GRIN3A: variants seen among roughly 807,000 people sequenced by gnomAD.
GRIN3A encodes glutamate receptor ionotropic, NMDA 3A.
GRIN3A carries 47 observed loss-of-function variants against 92.4 expected under a neutral mutation model. The observed-to-expected ratio is 0.51, with a 90% confidence interval of 0.40 to 0.65. The LOEUF (loss-of-function observed/expected upper bound fraction) is 0.65, where lower values mean the gene tolerates loss of function less well. GRIN3A is among the 30% of genes least tolerant of loss of function. GRIN3A has a pLI of 0.00. For missense variants in GRIN3A, 1,324 were observed against 1,393.1 expected, an observed-to-expected ratio of 0.95 and a Z score of 0.79; for synonymous variants, 527 against 540.6, an observed-to-expected ratio of 0.97 and a Z score of 0.35.
intron 6 of GRIN3A, among the ~76,000 whole-genome samples, chr9:101,580,569 G>C (rs1233099114): frequency 2.0e-5 from 3 of 152,112 alleles, no homozygotes; most frequent in Non-Finnish European, 2.9e-5. Context: ...ATCTGGTAGG[G>C]AACATGGAAA....
At chr9:101,691,699 A>G (rs1474008866) in intron 1 of GRIN3A, among the ~76,000 whole-genome samples, 3 of 152,136 alleles carry the variant, frequency 2.0e-5, no homozygotes, top group African/African-American at 7.2e-5. Context: ...TGTCCTCTTC[A>G]GCAGGTTCTA....
At chr9:101,714,412 C>T (rs893041084) in intron 1 of GRIN3A, among the ~76,000 whole-genome samples, 2 of 151,996 alleles carry the variant, frequency 1.3e-5, no homozygotes, top group Non-Finnish European at 2.9e-5. Context: ...AAGTGGAAGA[C>T]AAAATTAAGA....
At chr9:101,697,111 C>T (rs1829695082) in intron 1 of GRIN3A, among the ~76,000 whole-genome samples, 1 of 152,138 alleles carries the variant, frequency 6.6e-6, no homozygotes. Context: ...ACATTCATTG[C>T]TTGCTACCTG....
At chr9:101,663,477 A>G (rs1829202027) in intron 3 of GRIN3A, among the ~76,000 whole-genome samples, 1 of 151,856 alleles carries the variant, frequency 6.6e-6, no homozygotes, top group South Asian at 2.1e-4. Flanking sequence ...GGATTGGTGT[A>G]ACTCAGTTTC....
intron 1 of GRIN3A, among the ~76,000 whole-genome samples, chr9:101,687,946 C>G (rs185685121): frequency 6.6e-6 from 1 of 152,142 alleles, no homozygotes; most frequent in South Asian, 2.1e-4. Flanking sequence ...TGAAAAGTCA[C>G]AAATTAGCAG....
At chr9:101,661,386 A>C (rs1829169741) in intron 3 of GRIN3A, among the ~76,000 whole-genome samples, 1 of 151,890 alleles carries the variant, frequency 6.6e-6, no homozygotes, top group African/African-American at 2.4e-5. Context: ...GTGATATTTT[A>C]TATACGTTGC....
At chr9:101,710,041 G>A (rs968413927) in intron 1 of GRIN3A, among the ~76,000 whole-genome samples, 6 of 152,118 alleles carry the variant, frequency 3.9e-5, no homozygotes, top group African/African-American at 1.4e-4. Flanking sequence ...TGGAAATCCT[G>A]TTTTAGAGAA....
chr9:101,601,839 A>G (rs1185660380), intron 6 of GRIN3A, among the ~76,000 whole-genome samples: 1 of 152,188 alleles, frequency 6.6e-6, no homozygotes, highest in Non-Finnish European at 1.5e-5. Flanking sequence ...TTGCTGCAAT[A>G]TGACTGCATC....
Position 101,737,915 on chromosome 9 carries a change from G to A in GRIN3A, c.65C>T (p.Ala22Val), listed in dbSNP as rs998975070. ...GCTGGGCACCCCGGCCAGCACCAGTGCGCAGGGCGGCGGCAACAGCAGACA... is the reference window on the plus strand; with the variant it reads ...GCTGGGCACCCCGGCCAGCACCAGTACGCAGGGCGGCGGCAACAGCAGACA... ...RVCLLLPPPC[A>V]LVLAGVPSSS... is the part of the protein sequence containing the mutation. The change falls in exon 1 of 9, where the codon GCA becomes GTA. Residue 22 changes from alanine to valine, a missense_variant. By Grantham distance (64) the Ala-to-Val change is moderately conservative. Coordinates refer to ENST00000361820, the MANE Select transcript of GRIN3A (RefSeq NM_133445.3). 6.5e-6 allele frequency: 10 copies of A among 1,536,260 alleles called. No homozygotes were observed. Among genetic ancestry groups the A allele is most frequent in the Non-Finnish European group, 8.7e-6 (10 of 1,147,588 alleles).
intron 1 of GRIN3A, among the ~76,000 whole-genome samples, chr9:101,728,627 T>A (rs1017571742): frequency 1.2e-4 from 19 of 152,158 alleles, no homozygotes; most frequent in Admixed American, 7.9e-4. Context: ...CAGTGCCCAG[T>A]TAGAGTGATA....
At chr9:101,584,596 T>C (rs1827927877) in intron 6 of GRIN3A, among the ~76,000 whole-genome samples, 1 of 152,216 alleles carries the variant, frequency 6.6e-6, no homozygotes. Context: ...TGCTTGAGAT[T>C]TTTGGATGAA....
rs1828974641 is a variant in GRIN3A at position 101,648,896 on chromosome 9, T to C, written c.2353-20495A>G. Among the ~76,000 whole-genome samples the C allele has an allele frequency of 2.0e-5, 3 of 152,140 alleles. No homozygotes were observed. In the South Asian group the frequency reaches 6.2e-4, roughly 32 times the overall value. ...TACTTCTAATGTCAGACTTAAACACTGGACTGTTTTTTTTTCCCATTATGG... is the reference window on the plus strand; with the variant it reads ...TACTTCTAATGTCAGACTTAAACACCGGACTGTTTTTTTTTCCCATTATGG... On this transcript the variant is annotated intron_variant, in intron 3 of 8. Transcript: ENST00000361820.
chr9:101,614,391 C>T (rs1828410493), intron 5 of GRIN3A, among the ~76,000 whole-genome samples: 1 of 151,968 alleles, frequency 6.6e-6, no homozygotes, highest in Non-Finnish European at 1.5e-5. Context: ...AGTAATGAAA[C>T]TGTGGACTAT....
At chr9:101,582,446 C>G (rs1467865725) in intron 6 of GRIN3A, among the ~76,000 whole-genome samples, 1 of 152,120 alleles carries the variant, frequency 6.6e-6, no homozygotes. Flanking sequence ...AAGCCCAGCC[C>G]TACGAAACAA....
intron 1 of GRIN3A, among the ~76,000 whole-genome samples, chr9:101,717,526 G>T (rs1259011241): frequency 6.6e-6 from 1 of 152,150 alleles, no homozygotes; most frequent in Non-Finnish European, 1.5e-5. Flanking sequence ...GAGTAAAACA[G>T]GAAGTTAGGA....
chr9:101,722,177 G>C (rs1830021374), intron 1 of GRIN3A, among the ~76,000 whole-genome samples: 1 of 152,224 alleles, frequency 6.6e-6, no homozygotes, highest in African/African-American at 2.4e-5. Context: ...TAGAGCTCAG[G>C]CTGTGGCTTC....
At chr9:101,700,747 G>A (rs1478363123) in intron 1 of GRIN3A, among the ~76,000 whole-genome samples, 1 of 152,060 alleles carries the variant, frequency 6.6e-6, no homozygotes, top group Non-Finnish European at 1.5e-5. Flanking sequence ...CTAAAGCGAG[G>A]TACCATTATA....
chr9:101,596,058 C>T (rs944759888), intron 6 of GRIN3A, among the ~76,000 whole-genome samples: 16 of 152,298 alleles, frequency 1.1e-4, no homozygotes, highest in African/African-American at 3.9e-4. Context: ...GCAAACAGTT[C>T]AAAGGGACTT....
rs1426737187 is a variant in GRIN3A at position 101,684,907 on chromosome 9, T to C, written c.1304+1689A>G. On this transcript the variant is annotated intron_variant, in intron 2 of 8. Transcript: ENST00000361820. ...AAATTATAAATCAAAACTTTGCTTG[T>C]ATTTTTGTTGTAAAGGAGAATGTTT... is the stretch of plus-strand genomic sequence containing the variant. 3.3e-5 allele frequency among the ~76,000 whole-genome samples: 5 copies of C among 152,196 alleles called. No individual in the cohort carries two copies. The East Asian group carries it at 9.6e-4, about 29-fold the overall frequency.
Sources: allele counts gnomAD v4.1 joint callset (sites outside exome capture counted in the v4.1 genomes callset), GRCh38; gene constraint gnomAD v4.1.1; transcripts MANE v1.5; gene names NCBI Gene and HGNC (gene_info 2026-07-23, HGNC 2026-07-21).